Variants in DPYSL2 observed in about 807,000 individuals in gnomAD.
DPYSL2 encodes the protein dihydropyrimidinase-related protein 2.
DPYSL2 carries 13 observed loss-of-function variants against 69.9 expected under a neutral mutation model. That is an observed-to-expected ratio of 0.19 (90% CI 0.12 to 0.30). The LOEUF (loss-of-function observed/expected upper bound fraction) is 0.30. DPYSL2 is among the 10% of genes least tolerant of loss of function. The pLI, the probability that DPYSL2 is intolerant of heterozygous loss-of-function variation, is 1.00. For synonymous variants in DPYSL2, 326 were observed against 359.1 expected (o/e 0.91, Z 1.04); for missense variants, 587 against 918.9 (o/e 0.64, Z 4.67).
rs146056239 is a variant in DPYSL2, at chr8:26,593,342, G to A, written c.628+9359G>A. Among the ~76,000 whole-genome samples, 471 of 152,292 alleles carry A rather than the reference G, an allele frequency of 3.1e-3. 1 individual carries two copies. The highest frequency in any genetic ancestry group is 6.8e-3 in the Middle Eastern group (2 of 294). On this transcript the variant is annotated intron_variant, in intron 3 of 13. Transcript: ENST00000521913. This position sits in a 1 kb window ranked among gnomAD's most constrained non-coding sequence, Gnocchi z 5.7. ...GTTCTAGGTGGGCCTGGCATTGGTC[G>A]TTTTGAAAGCCTCAAGGTGATAGCT...
At chr8:26,616,790 T>TG (rs201183417) in intron 3 of DPYSL2, among the ~76,000 whole-genome samples, 10,133 of 151,804 alleles carry the variant, frequency 0.067, 373 homozygotes, top group African/African-American at 0.093. Context: ...GAGGGCTTGG[T>TG]GACCTCTCTC....
intron 1 of DPYSL2, among the ~76,000 whole-genome samples, chr8:26,523,477 C>T (rs970465019): frequency 6.6e-6 from 1 of 152,080 alleles, no homozygotes; most frequent in African/African-American, 2.4e-5. Flanking sequence ...CTTCATTCCC[C>T]TCTCCTCCCA....
At position 26,643,227 on chromosome 8, in the gene DPYSL2, G is replaced by A. The variant is rs1479789649; in HGVS notation, c.1127-212G>A. On this transcript the variant is annotated intron_variant, in intron 8 of 13. Transcript: ENST00000521913. This position sits in a 1 kb window ranked among gnomAD's most constrained non-coding sequence, Gnocchi z 6.5. Reference sequence around the variant, plus strand: ...GTGTGTTGTTTGAAGAGCAGGGGCTGAAGGTGGAATCTTGGGGAGCTCATG... The same window carrying A: ...GTGTGTTGTTTGAAGAGCAGGGGCTAAAGGTGGAATCTTGGGGAGCTCATG... The A allele has an allele frequency of 1.2e-5, 6 of 488,720 alleles. No individual in the cohort carries two copies. The highest frequency in any genetic ancestry group is 2.1e-5 in the Non-Finnish European group (6 of 282,364). The allele number at this position is 488,720 out of a possible 1,614,324, so 30.3% of individuals were successfully genotyped here.
intron 8 of DPYSL2, among the ~76,000 whole-genome samples, chr8:26,636,817 T>C (rs771302328): frequency 2.6e-5 from 4 of 152,124 alleles, no homozygotes; most frequent in Admixed American, 6.5e-5. Flanking sequence ...CTCAGCTCAC[T>C]GCAGTCTCCG....
rs1359995029 is a variant in DPYSL2 at position 26,653,253 on chromosome 8, C to T, written c.1798C>T (p.Pro600Ser). The T allele has an allele frequency of 3.7e-6, 6 of 1,613,730 alleles. No homozygotes were observed. Among genetic ancestry groups the T allele is most frequent in the Non-Finnish European group, 5.1e-6 (6 of 1,179,880 alleles). ...RSRLAELRGV[P>S]RGLYDGPVCE... ...GCAGCTGGCTGAGCTGAGAGGGGTTCCTCGTGGCCTGTATGACGGACCTGT... is the reference window on the plus strand; with the variant it reads ...GCAGCTGGCTGAGCTGAGAGGGGTTTCTCGTGGCCTGTATGACGGACCTGT... The change falls in exon 13 of 14, where the codon CCT becomes TCT. Residue 600 changes from proline to serine, a missense_variant. Physicochemically the swap from Pro to Ser is moderately conservative, Grantham distance 74. Transcript: ENST00000521913. The surrounding 1 kb of genome is among the most constrained non-coding windows in gnomAD (Gnocchi z 5.7).
In DPYSL2 at chr8:26,657,130, G is replaced by T. The variant is rs536977883; in HGVS notation, c.*1424G>T. On this transcript the variant is annotated 3_prime_UTR_variant, in exon 14 of 14. Transcript: ENST00000521913. ...GAAAGAGGCCCTATAAACTCAAAAA[G>T]TCATTGGGAAACTTAAAGTCTATTC... 6.6e-6 allele frequency: 1 copy of T among 152,316 alleles called. No homozygotes were observed. Among genetic ancestry groups the T allele is most frequent in the Non-Finnish European group, 1.5e-5 (1 of 68,030 alleles). 9.4% of individuals were successfully genotyped at this position (152,316 alleles called of 1,614,324 possible).
chr8:26,618,519 A>G (rs1472443982), intron 3 of DPYSL2, among the ~76,000 whole-genome samples: 4 of 121,574 alleles, frequency 3.3e-5, no homozygotes, highest in African/African-American at 1.3e-4. Context: ...GGGTCTCACT[A>G]TGTTACCCAG....
chr8:26,635,986 A>G (rs1404764296), intron 8 of DPYSL2, among the ~76,000 whole-genome samples: 1 of 152,086 alleles, frequency 6.6e-6, no homozygotes, highest in Non-Finnish European at 1.5e-5. Context: ...GCCCTGGAAC[A>G]AATTGCTCAA....
chr8:26,620,457 T>C lies in DPYSL2; in HGVS notation c.629-3686T>C, dbSNP rs148814776. Among the ~76,000 whole-genome samples the C allele has an allele frequency of 5.5e-3, 840 of 152,226 alleles. 10 individuals carry two copies. The highest frequency in any genetic ancestry group is 0.019 in the African/African-American group (802 of 41,520). On this transcript the variant is annotated intron_variant, in intron 3 of 13. Transcript: ENST00000521913. The surrounding 1 kb of genome is among the most constrained non-coding windows in gnomAD (Gnocchi z 4.5). ...TTTTAGTAGAGACGAGGTTTCATCA[T>C]GTTGCCCAGGCTGGTCTCGAACTCC...
intron 1 of DPYSL2, among the ~76,000 whole-genome samples, chr8:26,522,464 C>T (rs1320938832): frequency 1.3e-5 from 2 of 152,346 alleles, no homozygotes; most frequent in South Asian, 2.1e-4. Context: ...TGCGTTGCCA[C>T]CAGCAACATT....
Position 26,647,935 on chromosome 8 carries a change from G to A in DPYSL2, c.1596+135G>A. ...CGCTCGACTGAGGATGTTATGATTT[G>A]CAATTTGCTGGGAAAAGAATAGTTA... On this transcript the variant is annotated intron_variant, in intron 11 of 13. Coordinates refer to ENST00000521913, the MANE Select transcript of DPYSL2 (RefSeq NM_001197293.3). The surrounding 1 kb of genome is among the most constrained non-coding windows in gnomAD (Gnocchi z 5.1). The A allele has an allele frequency of 2.9e-6, 3 of 1,051,858 alleles. No homozygotes were observed. The highest frequency in any genetic ancestry group is 4.0e-6 in the Non-Finnish European group (3 of 746,340). The allele number at this position is 1,051,858 out of a possible 1,614,324, so 65.2% of individuals were successfully genotyped here.
At chr8:26,623,560 G>A (rs188944992) in intron 3 of DPYSL2, among the ~76,000 whole-genome samples, 50 of 152,270 alleles carry the variant, frequency 3.3e-4, no homozygotes, top group African/African-American at 2.4e-4. Context: ...CCAGATCAGC[G>A]TACCTCCATA....
chr8:26,617,909 C>G lies in DPYSL2; in HGVS notation c.629-6234C>G, dbSNP rs549994055. On this transcript the variant is annotated intron_variant, in intron 3 of 13. Transcript: ENST00000521913. The surrounding 1 kb of genome is among the most constrained non-coding windows in gnomAD (Gnocchi z 4.7). ...CCAGGTTTCTTTTTTGAGTCATGTTCTAAAATTAGATTATTGCAATGGTTG... is the reference window on the plus strand; with the variant it reads ...CCAGGTTTCTTTTTTGAGTCATGTTGTAAAATTAGATTATTGCAATGGTTG... Among the ~76,000 whole-genome samples, 1 of 152,026 alleles carries G rather than the reference C, an allele frequency of 6.6e-6. No homozygotes were observed. Among genetic ancestry groups the G allele is most frequent in the African/African-American group, 2.4e-5 (1 of 41,470 alleles).
intron 1 of DPYSL2, among the ~76,000 whole-genome samples, chr8:26,555,382 A>G (rs1394990232): frequency 6.6e-6 from 1 of 152,200 alleles, no homozygotes; most frequent in Non-Finnish European, 1.5e-5. Context: ...AACTCCTGGA[A>G]CTAGTAAATG....
In DPYSL2 at chr8:26,652,263, G is replaced by C; in HGVS notation, c.1603G>C (p.Glu535Gln). 6 of 1,613,102 alleles carry C rather than the reference G, an allele frequency of 3.7e-6. No homozygotes were observed. Among genetic ancestry groups the C allele is most frequent in the Non-Finnish European group, 5.1e-6 (6 of 1,179,550 alleles). ...TACTTTGCCTTCTTCTCAGTCTCTC[G>C]AGTACAACATCTTTGAAGGCATGGA... ...ISAKTHNSSL[E>Q]YNIFEGMECR... The change falls in exon 12 of 14, where the codon GAG becomes CAG. Residue 535 changes from glutamate (E) to glutamine (Q), a missense_variant. Physicochemically the swap from Glu to Gln is conservative, Grantham distance 29. This residue lies in a region of DPYSL2 where 452 missense variants were observed against 754.3 expected (regional missense o/e 0.60). Coordinates refer to ENST00000521913, the MANE Select transcript of DPYSL2 (RefSeq NM_001197293.3). The surrounding 1 kb of genome is among the most constrained non-coding windows in gnomAD (Gnocchi z 6.3).
At position 26,626,164 on chromosome 8, in the gene DPYSL2, T is replaced by C. The variant is rs1802607798; in HGVS notation, c.794-453T>C. 6.6e-6 allele frequency among the ~76,000 whole-genome samples: 1 copy of C among 152,168 alleles called. No homozygotes were observed. Among genetic ancestry groups the C allele is most frequent in the African/African-American group, 2.4e-5 (1 of 41,424 alleles). On this transcript the variant is annotated intron_variant, in intron 4 of 13. Transcript: ENST00000521913. This position sits in a 1 kb window ranked among gnomAD's most constrained non-coding sequence, Gnocchi z 4.3. ...CTCCATGTTGTAGCATGTGTCAGGG[T>C]GTCTTTCCTTTTTAAAGGCTGAATA...
intron 8 of DPYSL2, among the ~76,000 whole-genome samples, chr8:26,635,200 A>C (rs915299967): frequency 3.9e-5 from 6 of 152,246 alleles, no homozygotes; most frequent in Admixed American, 3.3e-4. Context: ...GTTGAAATAA[A>C]CTAGGCACAT....
At chr8:26,578,423 AGGCGAT>A in intron 1 of DPYSL2, 2 of 1,546,536 alleles carry the variant, frequency 1.3e-6, no homozygotes, top group Non-Finnish European at 1.7e-6. Flanking sequence ...TTGCTAACGG[AGGCGAT>A]GGTGATGGTG....
In DPYSL2 at chr8:26,636,605, G is replaced by A. The variant is rs962200183; in HGVS notation, c.1126+1705G>A. ...GGTGGAGTCGTGGGCCAGCCCTGCC[G>A]CAGGCCTCCTCCTCTCTGTCCCTCA... On this transcript the variant is annotated intron_variant, in intron 8 of 13. Coordinates refer to ENST00000521913, the MANE Select transcript of DPYSL2 (RefSeq NM_001197293.3). 7.9e-5 allele frequency among the ~76,000 whole-genome samples: 12 copies of A among 152,276 alleles called. No homozygotes were observed. The South Asian group carries it at 1.0e-3, about 13-fold the overall frequency.
Sources: allele counts gnomAD v4.1 joint callset (sites outside exome capture counted in the v4.1 genomes callset), GRCh38; gene constraint gnomAD v4.1.1; regional missense constraint gnomAD v4.1.1; non-coding constraint Gnocchi (gnomAD v3.1); transcripts MANE v1.5; gene names NCBI Gene and HGNC (gene_info 2026-07-23, HGNC 2026-07-21).